ANTXR1: variants seen among roughly 807,000 people sequenced by gnomAD.
ANTXR1 encodes the protein ANTXR cell adhesion molecule 1, also known as anthrax toxin receptor 1.
ANTXR1 carries 19 observed loss-of-function variants against 78.1 expected under a neutral mutation model. The observed-to-expected ratio is 0.24, with a 90% confidence interval of 0.17 to 0.36. The LOEUF (loss-of-function observed/expected upper bound fraction) is 0.36, where lower values mean the gene tolerates loss of function less well. Ranked by LOEUF, ANTXR1 falls within the 10% of genes least tolerant of loss-of-function variation. The pLI is 1.00. For synonymous variants in ANTXR1, 273 were observed against 260.5 expected, an observed-to-expected ratio of 1.05 and a Z score of -0.46; for missense variants, 518 against 718.6, an observed-to-expected ratio of 0.72 and a Z score of 3.19.
chr2:69,178,171 G>T (rs1308979588), intron 14 of ANTXR1, among the ~76,000 whole-genome samples: 1 of 152,184 alleles, frequency 6.6e-6, no homozygotes, highest in South Asian at 2.1e-4. Flanking sequence ...TTGCTGAGGG[G>T]CTGGGATTCT....
At chr2:69,188,077 CA>C (rs1674464708) in intron 16 of ANTXR1, among the ~76,000 whole-genome samples, 1 of 144,380 alleles carries the variant, frequency 6.9e-6, no homozygotes, top group Non-Finnish European at 1.5e-5. Context: ...AACCCCACCA[CA>C]AAAGCTGATG....
intron 10 of ANTXR1, among the ~76,000 whole-genome samples, chr2:69,120,761 G>A (rs1387209806): frequency 1.3e-5 from 2 of 152,082 alleles, no homozygotes. Context: ...TCAATACAGC[G>A]TCACCATTCC....
At chr2:69,221,166 T>G (rs1675309887) in intron 17 of ANTXR1, among the ~76,000 whole-genome samples, 1 of 152,226 alleles carries the variant, frequency 6.6e-6, no homozygotes, top group African/African-American at 2.4e-5. Context: ...GACCAAGAGC[T>G]GTAAAGGGAC....
At chr2:69,122,296 G>T (rs142671740) in intron 10 of ANTXR1, among the ~76,000 whole-genome samples, 1 of 152,312 alleles carries the variant, frequency 6.6e-6, no homozygotes, top group East Asian at 1.9e-4. Context: ...TGACAGCCAT[G>T]TACAGGAAGC....
At chr2:69,033,599 G>A (rs925333493) in intron 1 of ANTXR1, among the ~76,000 whole-genome samples, 4 of 152,176 alleles carry the variant, frequency 2.6e-5, no homozygotes, top group African/African-American at 7.2e-5. Flanking sequence ...ACTTACATGC[G>A]CCTGAAGCTG....
intron 17 of ANTXR1, among the ~76,000 whole-genome samples, chr2:69,240,529 G>A (rs368206643): frequency 1.2e-4 from 18 of 152,284 alleles, no homozygotes; most frequent in Admixed American, 5.9e-4. Flanking sequence ...AAGGTGATGG[G>A]GAATCACTGA....
At chr2:69,212,961 CT>C (rs747933496) in intron 17 of ANTXR1, among the ~76,000 whole-genome samples, 370 of 98,090 alleles carry the variant, frequency 3.8e-3, no homozygotes, top group African/African-American at 0.011. Flanking sequence ...TGCACATCAC[CT>C]TTTTTTTTTT....
chr2:69,110,594 C>CA (rs1671946316), intron 10 of ANTXR1, among the ~76,000 whole-genome samples: 1 of 152,040 alleles, frequency 6.6e-6, no homozygotes, highest in Non-Finnish European at 1.5e-5. Context: ...CGCGGTGGCT[C>CA]ACGCCTGTAA....
chr2:69,013,738 T>C lies in ANTXR1; in HGVS notation c.152+87T>C. On this transcript the variant is annotated intron_variant, in intron 1 of 17. Coordinates refer to ENST00000303714, the MANE Select transcript of ANTXR1 (RefSeq NM_032208.3). The surrounding 1 kb of genome is among the most constrained non-coding windows in gnomAD (Gnocchi z 5.0). ...GGCCGGGCTCGTTGGCAGGGTCGCC[T>C]GGGGACAGGAGCGCATCTCCAGGGC... 1 of 1,546,948 alleles carries C rather than the reference T, an allele frequency of 6.5e-7. No individual in the cohort carries two copies. The highest frequency in any genetic ancestry group is 2.0e-5 in the Admixed American group (1 of 50,984).
chr2:69,077,410 G>A lies in ANTXR1; in HGVS notation c.564G>A (p.Leu188=). The A allele has an allele frequency of 6.2e-7, 1 of 1,614,136 alleles. No homozygotes were observed. Among genetic ancestry groups the A allele is most frequent in the South Asian group, 1.1e-5 (1 of 91,066 alleles). The change falls in exon 8 of 18, where the codon CTG becomes CTA. Residue 188 remains leucine, a splice_region_variant and synonymous_variant. Transcript: ENST00000303714. The part of the protein sequence containing the change: ...VGVKDFNETQ[L]ARIADSKDHV... ...TTGTGTATTTGCTGTGTTCTCAGCTGGCCCGGATTGCGGACAGTAAGGATC... is the reference window on the plus strand; with the variant it reads ...TTGTGTATTTGCTGTGTTCTCAGCTAGCCCGGATTGCGGACAGTAAGGATC...
intron 3 of ANTXR1, among the ~76,000 whole-genome samples, chr2:69,049,485 A>G (rs1669869432): frequency 6.6e-6 from 1 of 151,666 alleles, no homozygotes; most frequent in Non-Finnish European, 1.5e-5. Flanking sequence ...TAATTTTTGC[A>G]TTTTAGTAGA....
intron 16 of ANTXR1, among the ~76,000 whole-genome samples, chr2:69,184,829 C>T (rs990981278): frequency 3.9e-5 from 6 of 152,166 alleles, no homozygotes; most frequent in Middle Eastern, 3.2e-3. Flanking sequence ...CTTTCAAACC[C>T]GGCTGAGTGT....
At chr2:69,161,372 T>C (rs1241153383) in intron 13 of ANTXR1, among the ~76,000 whole-genome samples, 2 of 152,196 alleles carry the variant, frequency 1.3e-5, no homozygotes. Flanking sequence ...CCAAAAATCA[T>C]TTGAAATCTG....
intron 14 of ANTXR1, among the ~76,000 whole-genome samples, chr2:69,177,700 G>A (rs917046109): frequency 2.6e-5 from 4 of 152,128 alleles, no homozygotes; most frequent in African/African-American, 9.7e-5. Context: ...TGCTAGACAC[G>A]ATCTAGCAGC....
At chr2:69,072,996 G>A (rs1670615692) in intron 5 of ANTXR1, 26 bp from the exon 6 acceptor site, 2 of 1,611,368 alleles carry the variant, frequency 1.2e-6, no homozygotes, top group Admixed American at 1.7e-5. Context: ...AGGGTGGACT[G>A]AGCCAGTCTG....
intron 10 of ANTXR1, among the ~76,000 whole-genome samples, chr2:69,113,462 T>C (rs144371899): frequency 9.2e-5 from 14 of 152,332 alleles, no homozygotes; most frequent in African/African-American, 2.4e-4. Flanking sequence ...AGTTGGGTAC[T>C]GCTGAGGGAA....
chr2:69,152,480 C>T (rs926518487), intron 13 of ANTXR1, among the ~76,000 whole-genome samples: 6 of 152,196 alleles, frequency 3.9e-5, no homozygotes, highest in African/African-American at 1.4e-4. Context: ...TTGCCAATGG[C>T]CGTGCCCCTT....
intron 1 of ANTXR1, among the ~76,000 whole-genome samples, chr2:69,021,388 C>A (rs977890938): frequency 9.9e-5 from 15 of 152,162 alleles, no homozygotes; most frequent in African/African-American, 3.6e-4. Flanking sequence ...TAACAAATAA[C>A]CCCCGAATCT....
intron 8 of ANTXR1, among the ~76,000 whole-genome samples, chr2:69,086,750 A>G (rs1671063749): frequency 6.6e-6 from 1 of 152,248 alleles, no homozygotes; most frequent in Admixed American, 6.5e-5. Context: ...TTGTTTGAAT[A>G]CATGCCAGAC....
Sources: allele counts gnomAD v4.1 joint callset (sites outside exome capture counted in the v4.1 genomes callset), GRCh38; gene constraint gnomAD v4.1.1; non-coding constraint Gnocchi (gnomAD v3.1); transcripts MANE v1.5; gene names NCBI Gene and HGNC (gene_info 2026-07-23, HGNC 2026-07-21).